Variants in ABHD12B observed in about 807,000 individuals in gnomAD.
The protein encoded by ABHD12B is abhydrolase domain containing 12B, also known as protein ABHD12B.
Under a neutral mutation model 50.4 loss-of-function variants are expected in ABHD12B, and 42 were observed. The observed-to-expected ratio is 0.83, with a 90% CI of 0.65 to 1.08. ABHD12B has a LOEUF of 1.08. Ranked by LOEUF, ABHD12B falls within the 50% of genes least tolerant of loss-of-function variation. The probability of loss-of-function intolerance (pLI) is 0.00; values close to 1 mark genes in which losing one functional copy is unlikely to be tolerated. For missense variants in ABHD12B, 479 were observed against 447.7 expected, an observed-to-expected ratio of 1.07 and a Z score of -0.63; for synonymous variants, 167 against 160.3, an observed-to-expected ratio of 1.04 and a Z score of -0.32.
At position 50,872,174 on chromosome 14, in the gene ABHD12B, G is replaced by C. The variant is rs1003413801; in HGVS notation, c.-1G>C. ...GGCGGCGTATCGGGACACGGCGCGG[G>C]ATGGACGCGCAGGACTGCCAGGCGG... On this transcript the variant is annotated 5_prime_UTR_variant, in exon 1 of 13. Transcript: ENST00000337334. The C allele has an allele frequency of 8.2e-6, 11 of 1,338,962 alleles. No individual in the cohort carries two copies. The highest frequency in any genetic ancestry group is 3.3e-5 in the Admixed American group (1 of 30,090). The allele number at this position is 1,338,962 out of a possible 1,614,324, so 82.9% of individuals were successfully genotyped here. A position where few individuals can be genotyped will look rare whatever the true frequency, so the allele number is the denominator to read the frequency against.
At chr14:50,876,396 G>T (rs1481209803) in intron 1 of ABHD12B, among the ~76,000 whole-genome samples, 1 of 152,162 alleles carries the variant, frequency 6.6e-6, no homozygotes, top group African/African-American at 2.4e-5. Context: ...TAACACTTCA[G>T]GGGGAATTAA....
rs552488190 is a variant in ABHD12B, at chr14:50,879,361, T to G, written c.335+514T>G. Among the ~76,000 whole-genome samples the G allele has an allele frequency of 2.0e-5, 3 of 152,322 alleles. No individual in the cohort carries two copies. The East Asian group carries it at 5.8e-4, about 29-fold the overall frequency. ...CATGAAATAAATGTTTGTGTGATGA[T>G]TTGGTTAATATTTGTCTTCCTTACA... On this transcript the variant is annotated intron_variant, in intron 3 of 12. Coordinates refer to ENST00000337334, the MANE Select transcript of ABHD12B (RefSeq NM_001206673.2).
rs577446384 is a variant in ABHD12B at position 50,894,162 on chromosome 14, C to T, written c.780+5259C>T. ...TCTTCTGGGGGAGGGGCAAGTACCC[C>T]TCAACCCCTTCTCCTTCATCCTTAG... On this transcript the variant is annotated intron_variant, in intron 9 of 12. Transcript: ENST00000337334. 3.1e-4 allele frequency among the ~76,000 whole-genome samples: 43 copies of T among 139,234 alleles called. No homozygotes were observed. In the South Asian group the frequency reaches 8.7e-3, roughly 28 times the overall value. The allele number at this position is 139,234 out of a possible 152,430, so 91.3% of individuals were successfully genotyped here. A position where few individuals can be genotyped will look rare whatever the true frequency, so the allele number is the denominator to read the frequency against.
rs763618687 is a variant in ABHD12B at position 50,886,671 on chromosome 14, G to T, written c.687G>T (p.Val229=). Reference sequence around the variant, plus strand: ...GAGTTGCAACAAATGCTGCAAAAGTGCTAGAAGAAAAAGGTAATATAAAAT... The same window carrying T: ...GAGTTGCAACAAATGCTGCAAAAGTTCTAGAAGAAAAAGGTAATATAAAAT... ...GTGVATNAAK[V]LEEKGCPVDA... Residue 229 remains valine, a synonymous_variant, in exon 8 of 13, where the codon GTG becomes GTT. Coordinates refer to ENST00000337334, the MANE Select transcript of ABHD12B (RefSeq NM_001206673.2). The T allele has an allele frequency of 3.7e-6, 6 of 1,608,988 alleles. No homozygotes were observed. In the East Asian group the frequency reaches 8.9e-5, roughly 24 times the overall value.
At chr14:50,882,400 G>A (rs775224170) in intron 5 of ABHD12B, among the ~76,000 whole-genome samples, 2 of 88,090 alleles carry the variant, frequency 2.3e-5, no homozygotes, top group Non-Finnish European at 4.0e-5. Flanking sequence ...TTTTTGAGAC[G>A]GAGTCTCGCT....
At chr14:50,894,445 C>T (rs901450834) in intron 9 of ABHD12B, among the ~76,000 whole-genome samples, 9 of 151,928 alleles carry the variant, frequency 5.9e-5, no homozygotes, top group African/African-American at 9.7e-5. Flanking sequence ...TCACTATGGG[C>T]AAGCTTCCAC....
intron 5 of ABHD12B, among the ~76,000 whole-genome samples, chr14:50,882,496 C>T (rs940331614): frequency 2.0e-5 from 3 of 150,372 alleles, no homozygotes; most frequent in East Asian, 4.0e-4. Context: ...TCTGCCTCAG[C>T]CTCCCAAGTA....
chr14:50,881,333 TGACTCGCCTTTCTCAA>T (rs910381076), intron 4 of ABHD12B, among the ~76,000 whole-genome samples: 1 of 152,132 alleles, frequency 6.6e-6, no homozygotes, highest in Non-Finnish European at 1.5e-5. Context: ...TTCTGGCAGG[TGACTCGCCTTTCTCAA>T]GACTCGCCTT....
rs781186395 is a variant in ABHD12B, at chr14:50,904,102, G to A, written c.971G>A (p.Arg324Lys). The A allele has an allele frequency of 1.9e-6, 3 of 1,614,052 alleles. No individual in the cohort carries two copies. The highest frequency in any genetic ancestry group is 2.2e-5 in the South Asian group (2 of 91,070). Residue 324 changes from arginine (R) to lysine (K), a missense_variant, in exon 12 of 13, where the codon AGG becomes AAG. Physicochemically the swap from Arg to Lys is conservative, Grantham distance 26. Coordinates refer to ENST00000337334, the MANE Select transcript of ABHD12B (RefSeq NM_001206673.2). ...KLYEIARNAY[R>K]NKERVKMVIF... ...TATGAAATTGCACGCAATGCATACA[G>A]GAACAAAGAGAGGGTCAAGATGGTT...
chr14:50,881,229 A>G (rs2049939096), intron 4 of ABHD12B, among the ~76,000 whole-genome samples: 3 of 152,058 alleles, frequency 2.0e-5, no homozygotes, highest in African/African-American at 4.8e-5. Context: ...TGTGCCCCTG[A>G]AGCTTGGGGC....
At chr14:50,893,075 T>C (rs956949526) in intron 9 of ABHD12B, 1 of 152,374 alleles carries the variant, frequency 6.6e-6, no homozygotes, top group South Asian at 2.1e-4. Flanking sequence ...AAATTTTCCA[T>C]ATGCTTGAAA....
chr14:50,895,435 G>A (rs1291990629), intron 9 of ABHD12B: 2 of 152,134 alleles, frequency 1.3e-5, no homozygotes, highest in Admixed American at 6.5e-5. Flanking sequence ...CCTCCCACAG[G>A]AGCTTGCTAC....
intron 9 of ABHD12B, among the ~76,000 whole-genome samples, chr14:50,889,896 T>G (rs1349785259): frequency 6.6e-6 from 1 of 152,236 alleles, no homozygotes; most frequent in Non-Finnish European, 1.5e-5. Flanking sequence ...TAAGCCATCA[T>G]AGATAGAATT....
rs927798872 is a variant in ABHD12B at position 50,878,758 on chromosome 14, T to C, written c.246T>C (p.Phe82=). ...TTTACTTTCCAGTCAAAGCCCCATT[T>C]CTTGTGGATTTAAAGAAACCAGAGT... ...LIYFNFFKAP[F]LVDLKKPELK... Residue 82 remains phenylalanine (F), a synonymous_variant, in exon 3 of 13, where the codon TTT becomes TTC. Coordinates refer to ENST00000337334, the MANE Select transcript of ABHD12B (RefSeq NM_001206673.2). 2.1e-5 allele frequency: 34 copies of C among 1,613,592 alleles called. No individual in the cohort carries two copies. The highest frequency in any genetic ancestry group is 2.7e-5 in the Non-Finnish European group (32 of 1,179,494).
chr14:50,875,909 T>C (rs560376071), intron 1 of ABHD12B, among the ~76,000 whole-genome samples: 6 of 152,228 alleles, frequency 3.9e-5, no homozygotes, highest in African/African-American at 1.4e-4. Flanking sequence ...AGCGGGAGAC[T>C]ACCCTGCCTA....
intron 1 of ABHD12B, among the ~76,000 whole-genome samples, chr14:50,876,163 T>C (rs1164009850): frequency 2.0e-5 from 3 of 152,110 alleles, no homozygotes; most frequent in Non-Finnish European, 2.9e-5. Context: ...GGTGGTGGGG[T>C]GCTATTTTAA....
intron 9 of ABHD12B, chr14:50,891,268 A>G (rs1345093783): frequency 1.3e-5 from 2 of 151,196 alleles, no homozygotes; most frequent in Non-Finnish European, 2.9e-5. Context: ...TTTGAGGTAG[A>G]GTCTGGCTCT....
intron 9 of ABHD12B, among the ~76,000 whole-genome samples, chr14:50,890,235 TTTTA>T (rs1284930889): frequency 5.3e-5 from 8 of 152,190 alleles, no homozygotes; most frequent in Non-Finnish European, 8.8e-5. Flanking sequence ...AATACAATCT[TTTTA>T]TTTAGTTTGT....
chr14:50,899,527 C>A (rs974435522), intron 9 of ABHD12B, among the ~76,000 whole-genome samples: 1 of 152,162 alleles, frequency 6.6e-6, no homozygotes, highest in Non-Finnish European at 1.5e-5. Flanking sequence ...TTGGGTCCAA[C>A]CTCCCTATTC....
Sources: allele counts gnomAD v4.1 joint callset (sites outside exome capture counted in the v4.1 genomes callset), GRCh38; gene constraint gnomAD v4.1.1; transcripts MANE v1.5; gene names NCBI Gene and HGNC (gene_info 2026-07-23, HGNC 2026-07-21).